ANKAR: variants seen among roughly 807,000 people sequenced by gnomAD.
ANKAR encodes ankyrin and armadillo repeat containing.
In ANKAR, 136 loss-of-function variants were observed where a neutral mutation model predicts 146.2. The ratio of observed to expected loss-of-function variants is 0.93; its 90% CI spans 0.81 to 1.07. The LOEUF (loss-of-function observed/expected upper bound fraction) is 1.07, where lower values mean the gene tolerates loss of function less well. Among genes scored for constraint, ANKAR ranks in the 50% least tolerant of loss-of-function variants. The pLI, the probability that ANKAR is intolerant of heterozygous loss-of-function variation, is 0.00. For missense variants in ANKAR, 1,567 were observed against 1,679.9 expected (o/e 0.93, Z 1.18); for synonymous variants, 500 against 575.8 (o/e 0.87, Z 1.88).
rs552335403 is a variant in ANKAR at position 189,726,305 on chromosome 2, C to T, written c.2636-1551C>T. ...CATTATATAACTCCACAGAGGATAT[C>T]CCCAGAACCTAATGTCACTTTTTTT... is the stretch of plus-strand genomic sequence containing the variant. On this transcript the variant is annotated intron_variant, in intron 12 of 22. Coordinates refer to ENST00000684021, the MANE Select transcript of ANKAR (RefSeq NM_001378068.1). 1.8e-4 allele frequency among the ~76,000 whole-genome samples: 27 copies of T among 152,180 alleles called. No individual in the cohort carries two copies. In the South Asian group the frequency reaches 2.5e-3, roughly 14 times the overall value.
intron 18 of ANKAR, chr2:189,754,612 A>G (rs772937123): frequency 4.3e-5 from 18 of 415,832 alleles, no homozygotes; most frequent in Non-Finnish European, 7.7e-5. Context: ...GAAGTTGACA[A>G]TAACTGCTTA....
chr2:189,748,499 G>A (rs1234887502), downstream of ANKAR, among the ~76,000 whole-genome samples: 1 of 152,212 alleles, frequency 6.6e-6, no homozygotes, highest in Non-Finnish European at 1.5e-5. Context: ...ATTAGGATGA[G>A]CTACCATGCA....
At position 189,693,181 on chromosome 2, in the gene ANKAR, C is replaced by T. The variant is rs768951097; in HGVS notation, c.1307+4C>T. The T allele has an allele frequency of 6.3e-5, 96 of 1,524,712 alleles. No individual in the cohort carries two copies. Among genetic ancestry groups the T allele is most frequent in the South Asian group, 4.2e-4 (35 of 82,948 alleles). The allele number at this position is 1,524,712 out of a possible 1,614,324, so 94.4% of individuals were successfully genotyped here. On this transcript the variant is annotated splice_donor_region_variant and intron_variant, in intron 5 of 22. Coordinates refer to ENST00000684021, the MANE Select transcript of ANKAR (RefSeq NM_001378068.1). Reference sequence around the variant, plus strand: ...TCATGGAATTTCATGGAAAAAGGTACGGAGCTTTCACTAATTACTGACATT... The same window carrying T: ...TCATGGAATTTCATGGAAAAAGGTATGGAGCTTTCACTAATTACTGACATT...
At chr2:189,760,936 T>A (rs997835531) in intron 18 of ANKAR, among the ~76,000 whole-genome samples, 73 of 152,344 alleles carry the variant, frequency 4.8e-4, no homozygotes, top group African/African-American at 1.7e-3. Context: ...TTTTATCTTG[T>A]CCATTTATTT....
downstream of ANKAR, chr2:189,762,677 T>G (rs141651942): frequency 1.4e-5 from 14 of 985,394 alleles, no homozygotes; most frequent in East Asian, 1.5e-3. Context: ...GTGAGCAATT[T>G]CACCCACCTT....
chr2:189,756,463 G>A (rs553850920), intron 18 of ANKAR, among the ~76,000 whole-genome samples: 41 of 152,162 alleles, frequency 2.7e-4, no homozygotes, highest in Non-Finnish European at 5.4e-4. Context: ...AGTTCTATGT[G>A]TAGAAATGAA....
chr2:189,703,950 T>C (rs1452700898), intron 7 of ANKAR, among the ~76,000 whole-genome samples: 1 of 152,136 alleles, frequency 6.6e-6, no homozygotes, highest in Non-Finnish European at 1.5e-5. Flanking sequence ...CATGATCCAG[T>C]TACCTCTCTC....
At chr2:189,723,829 C>A (rs897012775) in intron 12 of ANKAR, among the ~76,000 whole-genome samples, 1 of 152,120 alleles carries the variant, frequency 6.6e-6, no homozygotes, top group Non-Finnish European at 1.5e-5. Context: ...CTATTCTTCC[C>A]AGTTCTTTAT....
intron 20 of ANKAR, 39 bp downstream of exon 20, chr2:189,741,490 C>T: frequency 1.4e-6 from 2 of 1,460,302 alleles, no homozygotes; most frequent in African/African-American, 2.8e-5. Flanking sequence ...ATTAAATATG[C>T]TAAAAATATA....
chr2:189,722,904 C>T (rs1003110734), intron 12 of ANKAR, among the ~76,000 whole-genome samples: 1 of 150,616 alleles, frequency 6.6e-6, no homozygotes, highest in Admixed American at 6.6e-5. Context: ...GAAAAGAAAA[C>T]TATAGTATGA....
At position 189,695,116 on chromosome 2, in the gene ANKAR, A is replaced by G; in HGVS notation, c.1443A>G (p.Glu481=). The change falls in exon 6 of 23, where the codon GAA becomes GAG. Residue 481 remains glutamate (E), a synonymous_variant. Transcript: ENST00000684021. The stretch of plus-strand genomic sequence containing the variant: ...CACTGACAGATGCTCAATTACATGA[A>G]CAATTTAAGAAAAAGCTTGGTTTCA... ...RLPLTDAQLH[E]QFKKKLGFKR... is the part of the protein sequence containing the mutation. 6.2e-7 allele frequency: 1 copy of G among 1,608,422 alleles called. No individual in the cohort carries two copies. The highest frequency in any genetic ancestry group is 8.5e-7 in the Non-Finnish European group (1 of 1,178,464).
chr2:189,697,070 C>A (rs573672116), intron 7 of ANKAR, among the ~76,000 whole-genome samples: 1 of 151,866 alleles, frequency 6.6e-6, no homozygotes, highest in Admixed American at 6.6e-5. Context: ...AATTGGTGGC[C>A]CTCCATAACT....
intron 7 of ANKAR, among the ~76,000 whole-genome samples, chr2:189,700,422 A>C (rs1049696580): frequency 6.6e-6 from 1 of 152,230 alleles, no homozygotes; most frequent in African/African-American, 2.4e-5. Flanking sequence ...TTCTGTGTGT[A>C]CATAGTAGGC....
intron 16 of ANKAR, 113 bp from the exon 17 acceptor site, chr2:189,732,994 A>G: frequency 9.8e-7 from 1 of 1,016,478 alleles, no homozygotes; most frequent in Non-Finnish European, 1.3e-6. Context: ...ATTATATTTT[A>G]GCAGATTTTA....
chr2:189,762,205 C>G (rs1374779069), downstream of ANKAR, among the ~76,000 whole-genome samples: 3 of 152,232 alleles, frequency 2.0e-5, no homozygotes, highest in Non-Finnish European at 4.4e-5. Flanking sequence ...TAAATCTCCA[C>G]TTTTTGCTAC....
At chr2:189,727,772 A>C (rs137933148) in intron 12 of ANKAR, 84 bp from the exon 13 acceptor site, 7 of 1,450,926 alleles carry the variant, frequency 4.8e-6, no homozygotes, top group African/African-American at 1.4e-5. Context: ...TGATTTTATA[A>C]TATGGGAAAC....
At chr2:189,676,117 G>A (rs971188585) in intron 1 of ANKAR, 1 of 193,324 alleles carries the variant, frequency 5.2e-6, no homozygotes, top group Non-Finnish European at 1.1e-5. Flanking sequence ...AGACTAACAC[G>A]AACATATACA....
chr2:189,692,285 CT>C lies in ANKAR; in HGVS notation c.1071del (p.Pro358HisfsTer47). ...AAGGTCAAGACAGAGCGAGAATTGC[CT>C]CCATTTATTTATGGAAGAGATTTTA... Reference protein sequence around the residue: ...DDKVKTERELPPFIYGRDFKC... With the variant: ...DDKVKTERELXPFIYGRDFKC... On this transcript the variant is annotated frameshift_variant, in exon 4 of 23. Transcript: ENST00000684021. LOFTEE classifies it high-confidence loss of function. 6.2e-7 allele frequency: 1 copy of C among 1,611,990 alleles called. No homozygotes were observed.
At chr2:189,756,706 C>T (rs1432167689) in intron 18 of ANKAR, among the ~76,000 whole-genome samples, 1 of 152,092 alleles carries the variant, frequency 6.6e-6, no homozygotes, top group Non-Finnish European at 1.5e-5. Flanking sequence ...CCTCACTCTC[C>T]GCATTTAAGT....
Sources: allele counts gnomAD v4.1 joint callset (sites outside exome capture counted in the v4.1 genomes callset), GRCh38; gene constraint gnomAD v4.1.1; transcripts MANE v1.5; gene names NCBI Gene and HGNC (gene_info 2026-07-23, HGNC 2026-07-21).